Variants in VPS37A observed in about 807,000 individuals in gnomAD.
VPS37A encodes vacuolar protein sorting-associated protein 37A.
In VPS37A, 30 loss-of-function variants were observed where a neutral mutation model predicts 49.8. That is an observed-to-expected ratio of 0.60 (90% CI 0.45 to 0.82). VPS37A has a LOEUF of 0.82. Among genes scored for constraint, VPS37A ranks in the 40% least tolerant of loss-of-function variants. The probability of loss-of-function intolerance (pLI) is 0.00; values close to 1 mark genes in which losing one functional copy is unlikely to be tolerated. For missense variants in VPS37A, 593 were observed against 464.4 expected, an observed-to-expected ratio of 1.28 and a Z score of -2.55; for synonymous variants, 195 against 160.6, an observed-to-expected ratio of 1.21 and a Z score of -1.62.
chr8:17,247,745 C>T, intron 1 of VPS37A: 1 of 702,604 alleles, frequency 1.4e-6, no homozygotes, highest in East Asian at 2.7e-5. Flanking sequence ...TGTTAAAATA[C>T]AATTGTGAAG....
intron 1 of VPS37A, among the ~76,000 whole-genome samples, chr8:17,253,279 C>G (rs7818793): frequency 2.5e-4 from 38 of 152,202 alleles, no homozygotes; most frequent in African/African-American, 8.4e-4. Context: ...TCTTCCATGT[C>G]TACTACCACA....
the VPS37A span, chr8:17,313,284 T>C: frequency 6.3e-5 from 100 of 1,595,912 alleles, no homozygotes; most frequent in Non-Finnish European, 7.6e-5. Flanking sequence ...TTCTCTGCAA[T>C]TGCATACCTT....
chr8:17,314,705 A>G, the VPS37A span, among the ~76,000 whole-genome samples: 2 of 152,126 alleles, frequency 1.3e-5, no homozygotes, highest in African/African-American at 2.4e-5. Context: ...AAAACACCCA[A>G]CCTAAGAAAA....
At chr8:17,283,978 A>G (rs968355269) in intron 9 of VPS37A, among the ~76,000 whole-genome samples, 1 of 152,190 alleles carries the variant, frequency 6.6e-6, no homozygotes, top group African/African-American at 2.4e-5. Flanking sequence ...TCTTCCAGTA[A>G]TTTATGTCTT....
chr8:17,320,393 G>A, the VPS37A span, among the ~76,000 whole-genome samples: 1 of 152,034 alleles, frequency 6.6e-6, no homozygotes, highest in South Asian at 2.1e-4. Context: ...CGGAGGGTGT[G>A]GTAAAGGGTA....
At chr8:17,287,248 A>G (rs1815689255) in intron 11 of VPS37A, among the ~76,000 whole-genome samples, 10 of 152,234 alleles carry the variant, frequency 6.6e-5, no homozygotes, top group Admixed American at 5.9e-4. Context: ...GATTTATTAT[A>G]GAGTAAAAAT....
At position 17,284,480 on chromosome 8, in the gene VPS37A, G is replaced by A; in HGVS notation, c.977G>A (p.Ser326Asn). ...QRQHELSESCSASALQARLKV... is the reference protein window; with the variant it reads ...QRQHELSESCNASALQARLKV... ...CCTGATTTTCTTTTTCAGAGCTGTAGTGCAAGTGCCCTTCAGGCAAGATTG... is the reference window on the plus strand; with the variant it reads ...CCTGATTTTCTTTTTCAGAGCTGTAATGCAAGTGCCCTTCAGGCAAGATTG... Residue 326 changes from serine to asparagine, a missense_variant, in exon 10 of 12, where the codon AGT becomes AAT. Transcript: ENST00000324849. The A allele has an allele frequency of 1.9e-6, 3 of 1,583,092 alleles. No individual in the cohort carries two copies. Among genetic ancestry groups the A allele is most frequent in the South Asian group, 1.2e-5 (1 of 84,972 alleles).
intron 2 of VPS37A, among the ~76,000 whole-genome samples, chr8:17,267,257 A>G (rs1282845100): frequency 1.3e-5 from 2 of 152,170 alleles, no homozygotes; most frequent in Non-Finnish European, 2.9e-5. Flanking sequence ...TAAGCAGGAG[A>G]GGCCAACAAG....
At chr8:17,272,316 A>G (rs1040343906) in intron 4 of VPS37A, among the ~76,000 whole-genome samples, 1 of 152,094 alleles carries the variant, frequency 6.6e-6, no homozygotes, top group Non-Finnish European at 1.5e-5. Flanking sequence ...ACTTCCAGGT[A>G]CTTCAGCCCT....
intron 6 of VPS37A, among the ~76,000 whole-genome samples, chr8:17,278,510 T>C (rs752971385): frequency 1.1e-4 from 17 of 152,084 alleles, no homozygotes; most frequent in Non-Finnish European, 1.9e-4. Context: ...CAAAAGTTGC[T>C]CTGATGGGTG....
downstream of VPS37A, chr8:17,298,483 G>T (rs1158828948): frequency 6.6e-6 from 1 of 152,056 alleles, no homozygotes; most frequent in Non-Finnish European, 1.5e-5. Context: ...ATACTAGAGA[G>T]ATCAGCAATG....
At chr8:17,305,818 T>C (rs1221406114), downstream of VPS37A, 2 of 1,613,620 alleles carry the variant, frequency 1.2e-6, no homozygotes, top group Non-Finnish European at 1.7e-6. Context: ...CAGGAATAAA[T>C]GTGATGTTGA....
the VPS37A span, among the ~76,000 whole-genome samples, chr8:17,315,338 G>C: frequency 6.6e-6 from 1 of 152,138 alleles, no homozygotes; most frequent in Non-Finnish European, 1.5e-5. Flanking sequence ...AGGGGTTAGG[G>C]TTGTGAGGGA....
chr8:17,253,820 A>G (rs1812193220), intron 1 of VPS37A, among the ~76,000 whole-genome samples: 1 of 152,226 alleles, frequency 6.6e-6, no homozygotes, highest in Non-Finnish European at 1.5e-5. Flanking sequence ...AACACAATTT[A>G]CTTTGGAATT....
At chr8:17,281,649 C>CA (rs570336130) in intron 9 of VPS37A, among the ~76,000 whole-genome samples, 61 of 150,254 alleles carry the variant, frequency 4.1e-4, no homozygotes, top group Non-Finnish European at 7.9e-4. Flanking sequence ...ACTGCAAGAC[C>CA]AAAAAAAAGT....
In VPS37A at chr8:17,297,810, A is replaced by G. The variant is rs1306580386; in HGVS notation, c.*2824A>G. 1 of 151,824 alleles carries G rather than the reference A, an allele frequency of 6.6e-6. No homozygotes were observed. Among genetic ancestry groups the G allele is most frequent in the Non-Finnish European group, 1.5e-5 (1 of 67,882 alleles). 9.4% of individuals were successfully genotyped at this position (151,824 alleles called of 1,614,324 possible). ...ACAGTAAAGTTTTAATAAGCAATAA[A>G]TGTAACCTTTTATATAAATCTCAGT... On this transcript the variant is annotated 3_prime_UTR_variant, in exon 12 of 12. Transcript: ENST00000324849.
chr8:17,313,146 G>A, the VPS37A span: 24 of 500,944 alleles, frequency 4.8e-5, no homozygotes, highest in Admixed American at 2.9e-4. Context: ...TATCTTCAGC[G>A]CACAGACTAC....
chr8:17,300,123 G>A, downstream of VPS37A: 1 of 1,614,124 alleles, frequency 6.2e-7, no homozygotes. Context: ...TGTTGGCTAT[G>A]CTGTTGTCTG....
chr8:17,286,464 G>T (rs771278832), intron 11 of VPS37A, 37 bp downstream of exon 11: 1 of 1,573,138 alleles, frequency 6.4e-7, no homozygotes, highest in Non-Finnish European at 8.7e-7. Context: ...CAAGGTGATT[G>T]CATCAGTGTT....
Sources: gnomAD v4.1 joint callset for allele counts (sites outside exome capture counted in the v4.1 genomes callset) on GRCh38, gnomAD v4.1.1 for gene constraint, MANE v1.5 for transcripts, NCBI Gene and HGNC (gene_info 2026-07-23, HGNC 2026-07-21) for gene names.